The following FLNC variants were observed in gnomAD, a reference collection of about 807,000 sequenced individuals.
FLNC encodes the protein filamin C, also known as filamin-C.
FLNC carries 91 observed loss-of-function variants against 254.3 expected under a neutral mutation model. The ratio of observed to expected loss-of-function variants is 0.36; its 90% CI spans 0.30 to 0.43. FLNC has a LOEUF of 0.43. Ranked by LOEUF, FLNC falls within the 20% of genes least tolerant of loss-of-function variation. The pLI is 1.00. For missense variants in FLNC, 2,853 were observed against 3,802.6 expected (o/e 0.75, Z 6.57); for synonymous variants, 1,430 against 1,577.2 (o/e 0.91, Z 2.21).
At chr7:128,832,118 G>A (rs1036184457) in intron 1 of FLNC, among the ~76,000 whole-genome samples, 1 of 152,164 alleles carries the variant, frequency 6.6e-6, no homozygotes, top group African/African-American at 2.4e-5. Context: ...CTCCCTTGGG[G>A]CCATCTCTAG....
In FLNC at chr7:128,849,493, A is replaced by T. The variant is rs1251139517; in HGVS notation, c.5114A>T (p.Tyr1705Phe). 2.5e-5 allele frequency: 41 copies of T among 1,614,176 alleles called. No homozygotes were observed. The highest frequency in any genetic ancestry group is 3.3e-5 in the Non-Finnish European group (39 of 1,180,028). ...VENHDGTFDI[Y>F]YTAPEPGKYV... ...AACCATGACGGTACCTTTGACATCT[A>T]CTACACAGCGCCCGAGCCGGGCAAG... The change falls in exon 30 of 48, where the codon TAC becomes TTC. Residue 1705 changes from tyrosine to phenylalanine, a missense_variant. Coordinates refer to ENST00000325888, the MANE Select transcript of FLNC (RefSeq NM_001458.5).
intron 29 of FLNC, 43 bp downstream of exon 29, chr7:128,849,247 G>A (rs761651389): frequency 2.4e-5 from 38 of 1,614,144 alleles, no homozygotes; most frequent in Middle Eastern, 1.7e-4. Flanking sequence ...GGCCAGGGTG[G>A]TTGGCGGTAG....
In FLNC at chr7:128,857,234, G is replaced by A; in HGVS notation, c.7678G>A (p.Val2560Met). 2 of 1,614,144 alleles carry A rather than the reference G, an allele frequency of 1.2e-6. No homozygotes were observed. Among genetic ancestry groups the A allele is most frequent in the African/African-American group, 1.3e-5 (1 of 75,062 alleles). ...LDCRECPEGH[V>M]VTYTPMAPGN... ...CTGTCGGGAGTGTCCTGAGGGCCATGTGGTCACTTATACTCCCATGGCCCC... is the reference window on the plus strand; with the variant it reads ...CTGTCGGGAGTGTCCTGAGGGCCATATGGTCACTTATACTCCCATGGCCCC... Residue 2560 changes from valine (V) to methionine (M), a missense_variant, in exon 46 of 48, where the codon GTG (valine) becomes ATG (methionine). Around this residue, in one of 10 missense-constraint regions of FLNC, gnomAD observed 197 missense variants for 351.5 expected, o/e 0.56. Coordinates refer to ENST00000325888, the MANE Select transcript of FLNC (RefSeq NM_001458.5). The surrounding 1 kb of genome is among the most constrained non-coding windows in gnomAD (Gnocchi z 4.5).
rs1585152863 is a variant in FLNC, at chr7:128,837,504, G to A, written c.806G>A (p.Arg269Gln). 8 of 1,614,048 alleles carry A rather than the reference G, an allele frequency of 5.0e-6. No individual in the cohort carries two copies. Among genetic ancestry groups the A allele is most frequent in the South Asian group, 2.2e-5 (2 of 91,092 alleles). The change falls in exon 4 of 48, where the codon CGA (arginine) becomes CAA (glutamine). Residue 269 changes from arginine to glutamine, a missense_variant. Transcript: ENST00000325888. ...KAKLKPGAPVRSKQLNPKKAI... is the reference protein window; with the variant it reads ...KAKLKPGAPVQSKQLNPKKAI... ...AAGCTCAAACCTGGTGCCCCTGTTC[G>A]ATCCAAGCAGCTGAACCCCAAGAAA...
rs2128936425 is a variant in FLNC at position 128,844,883 on chromosome 7, A to G, written c.3418A>G (p.Ile1140Val). The G allele has an allele frequency of 1.9e-6, 3 of 1,614,022 alleles. No individual in the cohort carries two copies. Among genetic ancestry groups the G allele is most frequent in the Non-Finnish European group, 1.7e-6 (2 of 1,180,042 alleles). ...TINILFAEAH[I>V]PGSPFKATIR... ...CAACATCCTGTTTGCTGAGGCCCACATCCCTGGCTCGCCCTTCAAAGCCAC... is the reference window on the plus strand; with the variant it reads ...CAACATCCTGTTTGCTGAGGCCCACGTCCCTGGCTCGCCCTTCAAAGCCAC... Residue 1140 changes from isoleucine (I) to valine (V), a missense_variant, in exon 21 of 48, where the codon ATC (isoleucine) becomes GTC (valine). Around this residue, in one of 10 missense-constraint regions of FLNC, gnomAD observed 1,573 missense variants for 1,883.5 expected, o/e 0.84. Transcript: ENST00000325888.
chr7:128,858,509 G>A lies in FLNC; in HGVS notation c.8164G>A (p.Val2722Ile). The change falls in exon 48 of 48, where the codon GTC becomes ATC. Residue 2722 changes from valine to isoleucine, a missense_variant. Around this residue, in one of 10 missense-constraint regions of FLNC, gnomAD observed 197 missense variants for 351.5 expected, o/e 0.56. Coordinates refer to ENST00000325888, the MANE Select transcript of FLNC (RefSeq NM_001458.5). The surrounding 1 kb of genome is among the most constrained non-coding windows in gnomAD (Gnocchi z 6.7). ...DESVPGSPFK[V>I]KVP The stretch of plus-strand genomic sequence containing the variant: ...AAGTGTCCCTGGAAGCCCCTTCAAA[G>A]TCAAGGTCCCTTGAATCCCAAAAGT... 3 of 1,613,494 alleles carry A rather than the reference G, an allele frequency of 1.9e-6. No homozygotes were observed. The highest frequency in any genetic ancestry group is 2.5e-6 in the Non-Finnish European group (3 of 1,179,894).
intron 31 of FLNC, 41 bp downstream of exon 31, chr7:128,850,115 C>T: frequency 7.1e-7 from 1 of 1,416,340 alleles, no homozygotes. Flanking sequence ...CTCCTCCTCC[C>T]CTTCCTTCAT....
rs750415476 is a variant in FLNC, at chr7:128,846,061, G to C, written c.3862G>C (p.Val1288Leu). 7 of 1,613,868 alleles carry C rather than the reference G, an allele frequency of 4.3e-6. No individual in the cohort carries two copies. The highest frequency in any genetic ancestry group is 5.9e-6 in the Non-Finnish European group (7 of 1,180,020). Residue 1288 changes from valine to leucine, a missense_variant, in exon 22 of 48, where the codon GTG becomes CTG. Physicochemically the swap from Val to Leu is conservative, Grantham distance 32. Around this residue, in one of 10 missense-constraint regions of FLNC, gnomAD observed 1,573 missense variants for 1,883.5 expected, o/e 0.84. Coordinates refer to ENST00000325888, the MANE Select transcript of FLNC (RefSeq NM_001458.5). ...CCTAACAGCCACAGGCGGCAACCAC[G>C]TGACGGCTCGTGTGCTCAACCCCTC... is the stretch of plus-strand genomic sequence containing the variant. ...RSLTATGGNH[V>L]TARVLNPSGA... is the part of the protein sequence containing the mutation.
chr7:128,854,344 G>T, intron 40 of FLNC, 69 bp from the exon 41 acceptor site: 1 of 1,596,014 alleles, frequency 6.3e-7, no homozygotes. Flanking sequence ...AGGTTTAACT[G>T]ATGGGGGAGG....
intron 5 of FLNC, 39 bp from the exon 6 acceptor site, chr7:128,837,948 G>A (rs764631512): frequency 6.4e-7 from 1 of 1,571,280 alleles, no homozygotes; most frequent in Non-Finnish European, 8.8e-7. Flanking sequence ...AGGGGCTATG[G>A]TCATTGGAGA....
In FLNC at chr7:128,857,629, G is replaced by A. The variant is rs1293707626; in HGVS notation, c.7780+293G>A. On this transcript the variant is annotated intron_variant, in intron 46 of 47. Transcript: ENST00000325888. This position sits in a 1 kb window ranked among gnomAD's most constrained non-coding sequence, Gnocchi z 4.5. ...CCCTCCTGGCTTCCCATATTCCTCCGCTCCAAGAAGACACAGTCGGTATTG... is the reference window on the plus strand; with the variant it reads ...CCCTCCTGGCTTCCCATATTCCTCCACTCCAAGAAGACACAGTCGGTATTG... Among the ~76,000 whole-genome samples, 3 of 151,562 alleles carry A rather than the reference G, an allele frequency of 2.0e-5. No individual in the cohort carries two copies. The highest frequency in any genetic ancestry group is 4.4e-5 in the Non-Finnish European group (3 of 68,000).
At chr7:128,849,027 C>T (rs1442878272) in intron 28 of FLNC, 45 bp downstream of exon 28, 5 of 1,602,004 alleles carry the variant, frequency 3.1e-6, no homozygotes, top group East Asian at 2.2e-5. Context: ...CACCCAGCCC[C>T]TCAAAGCCCC....
At chr7:128,834,082 G>GTGTA (rs1183780121) in intron 1 of FLNC, among the ~76,000 whole-genome samples, 1 of 152,186 alleles carries the variant, frequency 6.6e-6, no homozygotes, top group Admixed American at 6.5e-5. Context: ...GGGAGAAGAT[G>GTGTA]TGTAAGGGGA....
chr7:128,845,335 G>C, intron 21 of FLNC, 80 bp downstream of exon 21: 1 of 1,223,760 alleles, frequency 8.2e-7, no homozygotes, highest in Non-Finnish European at 1.2e-6. Flanking sequence ...GGGAAGAAGA[G>C]CTGAGAGCTG....
intron 35 of FLNC, 84 bp downstream of exon 35, chr7:128,851,712 A>G (rs1808824736): frequency 6.9e-7 from 1 of 1,450,944 alleles, no homozygotes; most frequent in Non-Finnish European, 9.7e-7. Flanking sequence ...AGCCCGTTCA[A>G]GTCACTCGTG....
At position 128,837,378 on chromosome 7, in the gene FLNC, A is replaced by G. The variant is rs1408797410; in HGVS notation, c.700-20A>G. ...CTGGGAAAAGAGGGCGCCATGTGAC[A>G]TCACTCCTTTCCATCGCAGGTCATT... On this transcript the variant is annotated intron_variant, in intron 3 of 47. Coordinates refer to ENST00000325888, the MANE Select transcript of FLNC (RefSeq NM_001458.5). 22 of 1,613,878 alleles carry G rather than the reference A, an allele frequency of 1.4e-5. No individual in the cohort carries two copies. Among genetic ancestry groups the G allele is most frequent in the Non-Finnish European group, 1.8e-5 (21 of 1,179,998 alleles).
At chr7:128,853,177 C>T in intron 37 of FLNC, 146 bp downstream of exon 37, 2 of 881,516 alleles carry the variant, frequency 2.3e-6, no homozygotes, top group Non-Finnish European at 3.7e-6. Context: ...TCTGGGGCCC[C>T]TTGCGGGAAA....
chr7:128,846,656 C>T, intron 23 of FLNC, 89 bp from the exon 24 acceptor site: 1 of 1,432,870 alleles, frequency 7.0e-7, no homozygotes, highest in Non-Finnish European at 9.6e-7. Context: ...CAGCGGCCTG[C>T]CCTCTTTCCT....
rs1375445974 is a variant in FLNC, at chr7:128,843,127, CT to C, written c.2551-101del. On this transcript the variant is annotated intron_variant, in intron 16 of 47. Transcript: ENST00000325888. ...AAGGGGGCCCTTTTGGAGGCTGCCC[CT>C]GTCCATGCTGGGTCCCCTGGGTGTG... The C allele has an allele frequency of 2.9e-6, 4 of 1,380,622 alleles. No homozygotes were observed. The East Asian group carries it at 7.5e-5, about 26-fold the overall frequency. 85.5% of individuals were successfully genotyped at this position (1,380,622 alleles called of 1,614,324 possible). A position where few individuals can be genotyped will look rare whatever the true frequency, so the allele number is the denominator to read the frequency against.
Sources: gnomAD v4.1 joint callset for allele counts (sites outside exome capture counted in the v4.1 genomes callset) on GRCh38, gnomAD v4.1.1 for gene constraint, gnomAD v4.1.1 regional missense constraint, Gnocchi (gnomAD v3.1) non-coding constraint, MANE v1.5 for transcripts, NCBI Gene and HGNC (gene_info 2026-07-23, HGNC 2026-07-21) for gene names.